The following NCAPD2 variants were observed in gnomAD, a reference collection of about 807,000 sequenced individuals.
NCAPD2 encodes condensin complex subunit 1.
A neutral mutation model predicts 164.5 loss-of-function variants in NCAPD2; 100 were observed. The observed-to-expected ratio is 0.61, with a 90% CI of 0.52 to 0.72. NCAPD2 has a LOEUF of 0.72. Ranked by LOEUF, NCAPD2 falls within the 30% of genes least tolerant of loss-of-function variation. NCAPD2 has a pLI of 0.00. For synonymous variants in NCAPD2, 585 were observed against 642.6 expected, an observed-to-expected ratio of 0.91 and a Z score of 1.36; for missense variants, 1,560 against 1,749.2, an observed-to-expected ratio of 0.89 and a Z score of 1.93.
intron 13 of NCAPD2, among the ~76,000 whole-genome samples, chr12:6,519,821 T>C (rs1414819397): frequency 2.0e-5 from 3 of 151,682 alleles, no homozygotes; most frequent in Non-Finnish European, 4.4e-5. Context: ...TGAGCTGAGA[T>C]TGCTCCGCTA....
intron 15 of NCAPD2, among the ~76,000 whole-genome samples, 172 bp downstream of exon 15, chr12:6,522,209 C>T (rs1325123134): frequency 6.6e-6 from 1 of 152,128 alleles, no homozygotes; most frequent in African/African-American, 2.4e-5. Flanking sequence ...GCTGGTATTA[C>T]AGGTGTGAGC....
intron 2 of NCAPD2, among the ~76,000 whole-genome samples, chr12:6,497,049 C>T (rs1346206275): frequency 2.6e-5 from 4 of 152,078 alleles, no homozygotes; most frequent in South Asian, 2.1e-4. Flanking sequence ...ATAGAATTAC[C>T]CAGACTGGTT....
chr12:6,523,775 T>C (rs1017765968), intron 17 of NCAPD2, among the ~76,000 whole-genome samples: 2 of 152,254 alleles, frequency 1.3e-5, no homozygotes, highest in African/African-American at 2.4e-5. Flanking sequence ...TTTGCTTTCA[T>C]GTTCCCAACT....
intron 6 of NCAPD2, among the ~76,000 whole-genome samples, chr12:6,513,299 G>C (rs1946168412): frequency 1.3e-5 from 2 of 152,296 alleles, no homozygotes; most frequent in South Asian, 4.1e-4. Context: ...CTAGCACTTT[G>C]GGAGGCTGAG....
chr12:6,501,177 C>T (rs1189534858), intron 2 of NCAPD2, among the ~76,000 whole-genome samples: 1 of 148,234 alleles, frequency 6.7e-6, no homozygotes, highest in African/African-American at 2.5e-5. Flanking sequence ...TCTCATGCCT[C>T]AGCCACCTGA....
rs1439727501 is a variant in NCAPD2, at chr12:6,528,167, T to A, written c.3144-6T>A. On this transcript the variant is annotated splice_region_variant and splice_polypyrimidine_tract_variant and intron_variant, in intron 24 of 31. Transcript: ENST00000315579. This position sits in a 1 kb window ranked among gnomAD's most constrained non-coding sequence, Gnocchi z 5.1. ...GCTTCCCTAATGATCCTCTTCTTGC[T>A]CTTAGTGCCACTTTCTGCGACTCCC... 4 of 1,614,080 alleles carry A rather than the reference T, an allele frequency of 2.5e-6. No homozygotes were observed. The East Asian group carries it at 8.9e-5, about 36-fold the overall frequency.
At chr12:6,518,481 A>G (rs1946224843) in intron 13 of NCAPD2, among the ~76,000 whole-genome samples, 1 of 140,372 alleles carries the variant, frequency 7.1e-6, no homozygotes, top group African/African-American at 2.8e-5. Context: ...CTTAACAACA[A>G]AAGCCCTTAC....
intron 18 of NCAPD2, 149 bp downstream of exon 18, chr12:6,525,865 A>G: frequency 1.6e-6 from 2 of 1,279,858 alleles, no homozygotes; most frequent in Non-Finnish European, 2.1e-6. Flanking sequence ...GCAAATAGTG[A>G]GAGGACCAGC....
chr12:6,519,092 G>A (rs934062185), intron 13 of NCAPD2, among the ~76,000 whole-genome samples: 3 of 151,428 alleles, frequency 2.0e-5, no homozygotes, highest in Admixed American at 1.3e-4. Context: ...GGGTTTCACC[G>A]TGTTAGCCAG....
Position 6,526,049 on chromosome 12 carries a change from T to A in NCAPD2, c.2349-19T>A. 1 of 1,612,646 alleles carries A rather than the reference T, an allele frequency of 6.2e-7. No individual in the cohort carries two copies. Among genetic ancestry groups the A allele is most frequent in the Non-Finnish European group, 8.5e-7 (1 of 1,179,738 alleles). On this transcript the variant is annotated intron_variant, in intron 18 of 31. Transcript: ENST00000315579. ...TCCAATCCATGACTGCCTTTAACTC[T>A]GTGGCTTCCTTCCCCTAGAGGAAAG...
chr12:6,530,055 C>T (rs1007908719), intron 29 of NCAPD2, 97 bp downstream of exon 29: 11 of 1,354,502 alleles, frequency 8.1e-6, no homozygotes, highest in Middle Eastern at 1.9e-4. Context: ...GTCACCTTCC[C>T]GTCCTCCTTA....
At chr12:6,501,227 A>ATTTT (rs71067121) in intron 2 of NCAPD2, among the ~76,000 whole-genome samples, 48 of 69,208 alleles carry the variant, frequency 6.9e-4, no homozygotes, top group Admixed American at 1.5e-3. Flanking sequence ...CGCCTGGCTA[A>ATTTT]TTTTTTTTTT....
intron 22 of NCAPD2, among the ~76,000 whole-genome samples, chr12:6,527,528 A>C (rs1946328386): frequency 1.3e-5 from 2 of 152,228 alleles, no homozygotes; most frequent in South Asian, 4.1e-4. Flanking sequence ...TGTTTACCAT[A>C]TATAGGAAAC....
At position 6,528,116 on chromosome 12, in the gene NCAPD2, T is replaced by C. The variant is rs767624329; in HGVS notation, c.3143+25T>C. ...GGTAGGCCGTGGGGTTGGTACCCCC[T>C]TCTCAAGGAAGATGGGGATGAAATG... On this transcript the variant is annotated intron_variant, in intron 24 of 31. Coordinates refer to ENST00000315579, the MANE Select transcript of NCAPD2 (RefSeq NM_014865.4). The surrounding 1 kb of genome is among the most constrained non-coding windows in gnomAD (Gnocchi z 5.1). 3.1e-6 allele frequency: 5 copies of C among 1,614,116 alleles called. No homozygotes were observed. The South Asian group carries it at 5.5e-5, about 18-fold the overall frequency.
At chr12:6,522,165 C>A in intron 15 of NCAPD2, 128 bp downstream of exon 15, 4 of 1,039,894 alleles carry the variant, frequency 3.8e-6, no homozygotes, top group South Asian at 1.7e-5. Context: ...AACTCCTGGG[C>A]TCAGGCAATT....
intron 2 of NCAPD2, among the ~76,000 whole-genome samples, chr12:6,505,879 A>G (rs1217648191): frequency 6.6e-6 from 1 of 152,020 alleles, no homozygotes; most frequent in Non-Finnish European, 1.5e-5. Flanking sequence ...ACAAAAACAA[A>G]TAATATTGCA....
chr12:6,526,922 G>A lies in NCAPD2; in HGVS notation c.2766G>A (p.Leu922=), dbSNP rs760600779. Reference sequence around the variant, plus strand: ...CCCCCGCAATGCTCCCCACTTTCCTGTTGATGAACCTGCTGTCCCTGGCTG... The same window carrying A: ...CCCCCGCAATGCTCCCCACTTTCCTATTGATGAACCTGCTGTCCCTGGCTG... The part of the protein sequence containing the change: ...KESPAMLPTF[L]LMNLLSLAGD... The change falls in exon 22 of 32, where the codon CTG becomes CTA. Residue 922 remains leucine, a synonymous_variant. Coordinates refer to ENST00000315579, the MANE Select transcript of NCAPD2 (RefSeq NM_014865.4). The A allele has an allele frequency of 6.2e-7, 1 of 1,613,912 alleles. No homozygotes were observed. Among genetic ancestry groups the A allele is most frequent in the Non-Finnish European group, 8.5e-7 (1 of 1,179,934 alleles).
chr12:6,506,472 C>T (rs1338286030), intron 2 of NCAPD2, among the ~76,000 whole-genome samples: 1 of 151,842 alleles, frequency 6.6e-6, no homozygotes, highest in African/African-American at 2.4e-5. Context: ...CGCCGGTAGT[C>T]CCAGCTACTC....
At chr12:6,517,073 C>A in intron 10 of NCAPD2, 48 bp downstream of exon 10, 1 of 1,567,956 alleles carries the variant, frequency 6.4e-7, no homozygotes, top group Non-Finnish European at 8.8e-7. Context: ...CTCCATATAC[C>A]AGTGTAAAGA....
Sources: gnomAD v4.1 joint callset for allele counts (sites outside exome capture counted in the v4.1 genomes callset) on GRCh38, gnomAD v4.1.1 for gene constraint, Gnocchi (gnomAD v3.1) non-coding constraint, MANE v1.5 for transcripts, NCBI Gene and HGNC (gene_info 2026-07-23, HGNC 2026-07-21) for gene names.